EDNRB: variants seen among roughly 807,000 people sequenced by gnomAD.
The protein encoded by EDNRB is Hirschsprung disease 2.
In EDNRB, 18 loss-of-function variants were observed where a neutral mutation model predicts 46.4. The observed-to-expected ratio is 0.39, with a 90% CI of 0.27 to 0.57. The LOEUF (loss-of-function observed/expected upper bound fraction) is 0.57. Among genes scored for constraint, EDNRB ranks in the 20% least tolerant of loss-of-function variants. EDNRB has a pLI of 0.61. For missense variants in EDNRB, 434 were observed against 537.5 expected (o/e 0.81, Z 1.90); for synonymous variants, 213 against 204.9 (o/e 1.04, Z -0.34).
intron 1 of EDNRB, among the ~76,000 whole-genome samples, chr13:77,909,590 T>G (rs868070278): frequency 2.0e-5 from 3 of 152,074 alleles, no homozygotes; most frequent in Non-Finnish European, 4.4e-5. Context: ...TTTCTTTTTC[T>G]ACTTTATTAA....
intron 1 of EDNRB, among the ~76,000 whole-genome samples, chr13:77,916,137 G>A (rs980788163): frequency 6.6e-6 from 1 of 152,070 alleles, no homozygotes; most frequent in Non-Finnish European, 1.5e-5. Context: ...TTTCTAACTG[G>A]GCTGGACATG....
chr13:77,925,588 G>C (rs1459532505), intron 1 of EDNRB, among the ~76,000 whole-genome samples: 1 of 152,220 alleles, frequency 6.6e-6, no homozygotes, highest in Non-Finnish European at 1.5e-5. Context: ...AAGAATTGAG[G>C]CTTGGGAAAT....
rs371565770 is a variant in EDNRB at position 77,908,911 on chromosome 13, C to T, written c.484-5304G>A. ...TTACCTAACATTGATCAAATATGAG[C>T]CAGTTGGCAATACTCACATAACTGG... On this transcript the variant is annotated intron_variant, in intron 1 of 6. Transcript: ENST00000646607. 5.9e-5 allele frequency among the ~76,000 whole-genome samples: 9 copies of T among 152,062 alleles called. No individual in the cohort carries two copies. In the South Asian group the frequency reaches 1.2e-3, roughly 21 times the overall value.
At chr13:77,940,412 G>A (rs1880709701) in intron 1 of EDNRB, among the ~76,000 whole-genome samples, 1 of 151,882 alleles carries the variant, frequency 6.6e-6, no homozygotes, top group Admixed American at 6.6e-5. Context: ...TGGAGATAGG[G>A]GATTTCAGAA....
Position 77,897,307 on chromosome 13 carries a change from A to C in EDNRB, c.*893T>G. ...ACAGAGTTTAAGCTACGATAGTGAA[A>C]GAAGAAGATTTTAATAATCCTGAAA... On this transcript the variant is annotated 3_prime_UTR_variant, in exon 7 of 7. Transcript: ENST00000646607. The C allele has an allele frequency of 1.0e-6, 1 of 985,230 alleles. No homozygotes were observed. The highest frequency in any genetic ancestry group is 4.7e-5 in the South Asian group (1 of 21,288). The allele number at this position is 985,230 out of a possible 1,614,324, so 61.0% of individuals were successfully genotyped here. A position where few individuals can be genotyped will look rare whatever the true frequency, so the allele number is the denominator to read the frequency against.
intron 1 of EDNRB, chr13:77,975,214 A>C (rs1329592490): frequency 6.6e-6 from 1 of 152,262 alleles, no homozygotes; most frequent in Non-Finnish European, 1.5e-5. Context: ...AGTTCCCAAG[A>C]CCAGTCCTGT....
At chr13:77,916,170 C>T (rs1879798670) in intron 1 of EDNRB, among the ~76,000 whole-genome samples, 1 of 152,184 alleles carries the variant, frequency 6.6e-6, no homozygotes, top group Admixed American at 6.5e-5. Flanking sequence ...ACCCCCTAAA[C>T]AGAACTTTCA....
At chr13:77,945,069 C>T (rs1880864513) in intron 1 of EDNRB, among the ~76,000 whole-genome samples, 1 of 151,838 alleles carries the variant, frequency 6.6e-6, no homozygotes, top group Non-Finnish European at 1.5e-5. Context: ...AACTCAATGC[C>T]CTTTATGTTA....
At chr13:77,938,857 C>T (rs1020680550) in intron 1 of EDNRB, among the ~76,000 whole-genome samples, 1 of 152,158 alleles carries the variant, frequency 6.6e-6, no homozygotes, top group African/African-American at 2.4e-5. Flanking sequence ...TGAGATGTTC[C>T]TTGGGCTGGT....
intron 1 of EDNRB, among the ~76,000 whole-genome samples, chr13:77,965,043 T>C (rs1453932006): frequency 1.3e-5 from 2 of 152,234 alleles, no homozygotes; most frequent in African/African-American, 4.8e-5. Flanking sequence ...AATATTCTTA[T>C]CATTTCTTTC....
At chr13:77,933,767 T>C (rs1257168115) in intron 1 of EDNRB, among the ~76,000 whole-genome samples, 2 of 152,042 alleles carry the variant, frequency 1.3e-5, no homozygotes, top group Admixed American at 6.6e-5. Context: ...GGATTAGGGG[T>C]AGCGTGGGAA....
In EDNRB at chr13:77,918,451, T is replaced by C; in HGVS notation, c.123A>G (p.Gln41=). The change falls in exon 1 of 7, where the codon CAA becomes CAG. Residue 41 remains glutamine, a synonymous_variant. Coordinates refer to ENST00000646607, the MANE Select transcript of EDNRB (RefSeq NM_001122659.3). This position sits in a 1 kb window ranked among gnomAD's most constrained non-coding sequence, Gnocchi z 4.5. ...FPPDRATPLL[Q]TAEIMTPPTK... ...TGGGTGGCGTCATTATCTCTGCGGT[T>C]TGCAAAAGCGGAGTGGCCCTGTCAG... 6.4e-7 allele frequency: 1 copy of C among 1,561,784 alleles called. No homozygotes were observed. The highest frequency in any genetic ancestry group is 1.2e-5 in the South Asian group (1 of 81,098).
intron 1 of EDNRB, among the ~76,000 whole-genome samples, chr13:77,905,870 T>C (rs963917523): frequency 4.6e-5 from 7 of 151,912 alleles, no homozygotes; most frequent in Admixed American, 6.6e-5. Context: ...CCCAAATGCA[T>C]GGAAAATGAA....
chr13:77,972,470 C>T lies in EDNRB; in HGVS notation c.-52+2877G>A, dbSNP rs182307489. 3.9e-5 allele frequency among the ~76,000 whole-genome samples: 6 copies of T among 152,256 alleles called. No individual in the cohort carries two copies. The East Asian group carries it at 1.2e-3, about 29-fold the overall frequency. The stretch of plus-strand genomic sequence containing the variant: ...AACCAGTCGGGGCAGTTCATCCTTG[C>T]TCTTTAGTGGTCCACAGAATGTTGG... On this transcript the variant is annotated intron_variant, in intron 1 of 7. Coordinates refer to the EDNRB transcript ENST00000646948.
Position 77,895,976 on chromosome 13 carries a change from A to C in EDNRB, c.*2224T>G, listed in dbSNP as rs1388908446. ...TGTCTGTTGCTATATTAAAGTCCTT[A>C]ATACTAGGAAACATGTTTTGAAGTT... On this transcript the variant is annotated 3_prime_UTR_variant, in exon 7 of 7. Coordinates refer to ENST00000646607, the MANE Select transcript of EDNRB (RefSeq NM_001122659.3). 6.5e-6 allele frequency: 1 copy of C among 152,712 alleles called. No individual in the cohort carries two copies. Among genetic ancestry groups the C allele is most frequent in the Non-Finnish European group, 1.5e-5 (1 of 68,526 alleles). The allele number at this position is 152,712 out of a possible 1,614,324, so 9.5% of individuals were successfully genotyped here. A position where few individuals can be genotyped will look rare whatever the true frequency, so the allele number is the denominator to read the frequency against.
chr13:77,903,680 G>T, intron 1 of EDNRB, 73 bp from the exon 2 acceptor site: 1 of 1,275,608 alleles, frequency 7.8e-7, no homozygotes, highest in Non-Finnish European at 1.1e-6. Flanking sequence ...ACTTAGTGAA[G>T]AGTAATTAAC....
chr13:77,898,978 C>T (rs1416607598), intron 6 of EDNRB, among the ~76,000 whole-genome samples: 1 of 151,798 alleles, frequency 6.6e-6, no homozygotes, highest in Non-Finnish European at 1.5e-5. Flanking sequence ...ACAAAAGCAT[C>T]TCAGTTTTCT....
At chr13:77,905,481 C>T (rs1330277595) in intron 1 of EDNRB, among the ~76,000 whole-genome samples, 1 of 151,916 alleles carries the variant, frequency 6.6e-6, no homozygotes, top group East Asian at 1.9e-4. Context: ...TTCATTCATT[C>T]ATTCAATGAA....
In EDNRB at chr13:77,918,149, C is replaced by A. The variant is rs1594373250; in HGVS notation, c.425G>T (p.Ser142Ile). 1 of 1,614,212 alleles carries A rather than the reference C, an allele frequency of 6.2e-7. No homozygotes were observed. Among genetic ancestry groups the A allele is most frequent in the Non-Finnish European group, 8.5e-7 (1 of 1,180,050 alleles). The change falls in exon 1 of 7, where the codon AGC (serine) becomes ATC (isoleucine). Residue 142 changes from serine to isoleucine, a missense_variant. By Grantham distance (142) the Ser-to-Ile change is moderately radical. Coordinates refer to ENST00000646607, the MANE Select transcript of EDNRB (RefSeq NM_001122659.3). This position sits in a 1 kb window ranked among gnomAD's most constrained non-coding sequence, Gnocchi z 4.5. ...GTGCAGCAGGTCTCCCAGAGCCAAG[C>A]TGGCGATCAAGATATTGGGACCGTT... is the stretch of plus-strand genomic sequence containing the variant. ...MRNGPNILIA[S>I]LALGDLLHIV...
Sources: gnomAD v4.1 joint callset for allele counts (sites outside exome capture counted in the v4.1 genomes callset) on GRCh38, gnomAD v4.1.1 for gene constraint, Gnocchi (gnomAD v3.1) non-coding constraint, MANE v1.5 for transcripts, NCBI Gene and HGNC (gene_info 2026-07-23, HGNC 2026-07-21) for gene names.